The following DYRK1A variants were observed in gnomAD, a reference collection of about 807,000 sequenced individuals.
The protein encoded by DYRK1A is dual specificity tyrosine-phosphorylation-regulated kinase 1A.
A neutral mutation model predicts 79.7 loss-of-function variants in DYRK1A; 9 were observed. That is an observed-to-expected ratio of 0.11 (90% CI 0.07 to 0.20). DYRK1A has a LOEUF of 0.20. DYRK1A is among the 10% of genes least tolerant of loss of function. The probability of loss-of-function intolerance (pLI) is 1.00; values close to 1 mark genes in which losing one functional copy is unlikely to be tolerated. For synonymous variants in DYRK1A, 349 were observed against 329.7 expected (o/e 1.06, Z -0.63); for missense variants, 622 against 956.0 (o/e 0.65, Z 4.61).
intron 1 of DYRK1A, among the ~76,000 whole-genome samples, chr21:37,378,253 C>T (rs566303160): frequency 3.3e-5 from 5 of 152,254 alleles, no homozygotes; most frequent in African/African-American, 1.2e-4. Flanking sequence ...TTCCTGGGGG[C>T]CAGGCATGGT....
Position 37,490,168 on chromosome 21 carries a change from C to G in DYRK1A, c.638-7C>G. ...ATAATTTAAAATGAAACTGTTTTCT[C>G]TTTCAGTGCATTTGAAACGCCACTT... On this transcript the variant is annotated splice_region_variant and splice_polypyrimidine_tract_variant and intron_variant, in intron 6 of 11. Transcript: ENST00000647188. 1.2e-6 allele frequency: 2 copies of G among 1,609,242 alleles called. No individual in the cohort carries two copies. Among genetic ancestry groups the G allele is most frequent in the Non-Finnish European group, 1.7e-6 (2 of 1,177,026 alleles).
intron 2 of DYRK1A, among the ~76,000 whole-genome samples, chr21:37,449,798 G>T (rs1243007130): frequency 6.6e-6 from 1 of 152,108 alleles, no homozygotes; most frequent in Non-Finnish European, 1.5e-5. Context: ...TGAGGTGATG[G>T]CCCGCATTCT....
At chr21:37,404,556 A>G (rs1490179533) in intron 1 of DYRK1A, among the ~76,000 whole-genome samples, 5 of 152,022 alleles carry the variant, frequency 3.3e-5, no homozygotes, top group Admixed American at 1.3e-4. Flanking sequence ...CTGAACTCTA[A>G]GCTTTACCAA....
intron 2 of DYRK1A, among the ~76,000 whole-genome samples, chr21:37,458,796 A>G (rs1433956380): frequency 6.6e-6 from 1 of 152,226 alleles, no homozygotes; most frequent in Admixed American, 6.5e-5. Flanking sequence ...GCCGAGGTCC[A>G]TGGGGCTTCA....
chr21:37,390,113 C>T (rs2049842469), intron 1 of DYRK1A, among the ~76,000 whole-genome samples: 1 of 151,720 alleles, frequency 6.6e-6, no homozygotes, highest in Admixed American at 6.6e-5. Context: ...CAGTCCTGTG[C>T]CTCAAACCTA....
At chr21:37,375,519 CTTTTTT>C (rs58948987) in intron 1 of DYRK1A, among the ~76,000 whole-genome samples, 3,827 of 81,456 alleles carry the variant, frequency 0.047, 55 homozygotes, top group African/African-American at 0.055. Flanking sequence ...AGGAATATTA[CTTTTTT>C]TTTTTTTTTT....
chr21:37,420,053 G>T lies in DYRK1A; in HGVS notation c.-76-246G>T, dbSNP rs141829393. The T allele has an allele frequency of 1.6e-3, 305 of 194,034 alleles. 5 individuals carry two copies. In the East Asian group the frequency reaches 0.032, roughly 21 times the overall value. The allele number at this position is 194,034 out of a possible 1,614,324, so 12.0% of individuals were successfully genotyped here. On this transcript the variant is annotated intron_variant, in intron 1 of 11. Transcript: ENST00000647188. Reference sequence around the variant, plus strand: ...ACCTAGAAAATACCTGAAATTTTCCGTGGTAATAGGCACATTTTGAAACTG... The same window carrying T: ...ACCTAGAAAATACCTGAAATTTTCCTTGGTAATAGGCACATTTTGAAACTG...
At chr21:37,499,793 C>A (rs1038391943) in intron 9 of DYRK1A, among the ~76,000 whole-genome samples, 1 of 152,174 alleles carries the variant, frequency 6.6e-6, no homozygotes, top group Non-Finnish European at 1.5e-5. Flanking sequence ...TTCACCTATT[C>A]TAGTACAGTT....
chr21:37,412,042 G>A (rs1426837421), intron 1 of DYRK1A, among the ~76,000 whole-genome samples: 3 of 152,132 alleles, frequency 2.0e-5, no homozygotes, highest in African/African-American at 7.2e-5. Flanking sequence ...TACCACTGGA[G>A]TGAGTATATA....
chr21:37,457,900 G>A (rs997866048), intron 2 of DYRK1A, among the ~76,000 whole-genome samples: 5 of 152,196 alleles, frequency 3.3e-5, no homozygotes, highest in African/African-American at 1.2e-4. Flanking sequence ...AAAGATCAGG[G>A]AAGGCAACTT....
chr21:37,499,298 A>T lies in DYRK1A; in HGVS notation c.1212+3040A>T, dbSNP rs182656965. On this transcript the variant is annotated intron_variant, in intron 9 of 11. Transcript: ENST00000647188. ...ATCTTGAATTAATTTTTGAGCGTGG[A>T]ACAGGGTGAAGGGGTTGAAGTTCAT... Among the ~76,000 whole-genome samples, 4 of 152,226 alleles carry T rather than the reference A, an allele frequency of 2.6e-5. No individual in the cohort carries two copies. In the East Asian group the frequency reaches 7.7e-4, roughly 29 times the overall value.
intron 3 of DYRK1A, among the ~76,000 whole-genome samples, chr21:37,474,798 A>G (rs903419733): frequency 2.6e-5 from 4 of 152,186 alleles, no homozygotes; most frequent in African/African-American, 9.7e-5. Flanking sequence ...AGGAAGACTG[A>G]TGTTTGGAAT....
At chr21:37,373,175 A>G (rs1291264651) in intron 1 of DYRK1A, among the ~76,000 whole-genome samples, 2 of 152,314 alleles carry the variant, frequency 1.3e-5, no homozygotes, top group East Asian at 1.9e-4. Flanking sequence ...TCCTCGCTTC[A>G]GTATCCTGTA....
intron 2 of DYRK1A, among the ~76,000 whole-genome samples, chr21:37,465,273 A>G (rs1427479276): frequency 6.6e-6 from 1 of 152,192 alleles, no homozygotes; most frequent in Non-Finnish European, 1.5e-5. Flanking sequence ...ATCCACAGCA[A>G]ATTCCAAAAA....
At chr21:37,432,457 C>T (rs2050802784) in intron 2 of DYRK1A, among the ~76,000 whole-genome samples, 1 of 152,270 alleles carries the variant, frequency 6.6e-6, no homozygotes. Flanking sequence ...TCCAGCAAAA[C>T]TGTGGTGGCA....
At chr21:37,471,664 G>A (rs777963706) in intron 2 of DYRK1A, among the ~76,000 whole-genome samples, 34 of 152,264 alleles carry the variant, frequency 2.2e-4, no homozygotes, top group Non-Finnish European at 2.9e-4. Context: ...CGGTAGTGCT[G>A]GGATCTCCAA....
intron 2 of DYRK1A, among the ~76,000 whole-genome samples, chr21:37,439,096 T>TA (rs1390476702): frequency 6.6e-6 from 1 of 152,208 alleles, no homozygotes; most frequent in Non-Finnish European, 1.5e-5. Flanking sequence ...GATATATAGT[T>TA]ACAGTACTAG....
chr21:37,420,148 A>G (rs2050437756), intron 1 of DYRK1A, 151 bp from the exon 2 acceptor site: 1 of 363,702 alleles, frequency 2.7e-6, no homozygotes, highest in Non-Finnish European at 4.9e-6. Flanking sequence ...ACTAAGGAAA[A>G]TTTAAGTTTG....
At chr21:37,478,143 C>T in intron 3 of DYRK1A, 65 bp from the exon 4 acceptor site, 1 of 1,603,206 alleles carries the variant, frequency 6.2e-7, no homozygotes, top group Non-Finnish European at 8.5e-7. Context: ...GAATTTATAT[C>T]TTATAGTTAA....
Sources: allele counts gnomAD v4.1 joint callset (sites outside exome capture counted in the v4.1 genomes callset), GRCh38; gene constraint gnomAD v4.1.1; transcripts MANE v1.5; gene names NCBI Gene and HGNC (gene_info 2026-07-23, HGNC 2026-07-21).